Variants in GRID2 observed in about 807,000 individuals in gnomAD.
GRID2 encodes glutamate receptor ionotropic, delta-2.
A neutral mutation model predicts 114.8 loss-of-function variants in GRID2; 33 were observed. The ratio of observed to expected loss-of-function variants is 0.29; its 90% confidence interval spans 0.22 to 0.38. The LOEUF (loss-of-function observed/expected upper bound fraction) is 0.38. GRID2 is among the 10% of genes least tolerant of loss of function. The pLI, the probability that GRID2 is intolerant of heterozygous loss-of-function variation, is 1.00. For missense variants in GRID2, 1,184 were observed against 1,257.7 expected (o/e 0.94, Z 0.89); for synonymous variants, 505 against 449.9 (o/e 1.12, Z -1.55).
chr4:93,550,661 T>C (rs1047437090), intron 13 of GRID2, among the ~76,000 whole-genome samples: 3 of 152,226 alleles, frequency 2.0e-5, no homozygotes, highest in Admixed American at 2.0e-4. Flanking sequence ...TCAAGTGACA[T>C]AATTTCTCAA....
At chr4:92,972,305 A>C (rs1753573356) in intron 2 of GRID2, among the ~76,000 whole-genome samples, 1 of 151,974 alleles carries the variant, frequency 6.6e-6, no homozygotes, top group Non-Finnish European at 1.5e-5. Context: ...AGTGATGAAC[A>C]GCATTTTTCC....
chr4:92,610,379 G>A (rs1244421920), intron 2 of GRID2, among the ~76,000 whole-genome samples: 3 of 151,604 alleles, frequency 2.0e-5, no homozygotes, highest in Non-Finnish European at 3.0e-5. Context: ...CACTTTATGT[G>A]TGTGATATTG....
chr4:93,659,347 C>T (rs1029417952), intron 14 of GRID2, among the ~76,000 whole-genome samples: 3 of 152,154 alleles, frequency 2.0e-5, no homozygotes, highest in South Asian at 2.1e-4. Context: ...ATAAAGTTGT[C>T]GTCACACCTG....
chr4:93,391,504 G>A (rs1011859528), intron 8 of GRID2, among the ~76,000 whole-genome samples: 6 of 152,126 alleles, frequency 3.9e-5, no homozygotes, highest in Non-Finnish European at 7.4e-5. Flanking sequence ...AGCATTGGTC[G>A]TACAGATGGG....
chr4:92,977,727 T>A (rs537802102), intron 2 of GRID2, among the ~76,000 whole-genome samples: 4 of 152,214 alleles, frequency 2.6e-5, no homozygotes, highest in African/African-American at 9.6e-5. Context: ...AGTCAAGATA[T>A]ATGTTTGGAT....
chr4:92,861,430 G>C (rs866253046), intron 2 of GRID2, among the ~76,000 whole-genome samples: 44 of 152,080 alleles, frequency 2.9e-4, no homozygotes, highest in African/African-American at 9.9e-4. Context: ...GGGGCTATCT[G>C]AGAATTCTAT....
At chr4:93,058,546 C>A (rs1341379684) in intron 2 of GRID2, among the ~76,000 whole-genome samples, 1 of 151,760 alleles carries the variant, frequency 6.6e-6, no homozygotes, top group Non-Finnish European at 1.5e-5. Flanking sequence ...TCCTTCCACA[C>A]CATTGAAATT....
chr4:92,593,675 AT>A (rs1448098916), intron 2 of GRID2, among the ~76,000 whole-genome samples: 3 of 151,804 alleles, frequency 2.0e-5, no homozygotes, highest in Non-Finnish European at 2.9e-5. Flanking sequence ...ATAGAAAAAA[AT>A]TTCTGTTTTC....
At chr4:92,704,236 C>G (rs960111371) in intron 2 of GRID2, among the ~76,000 whole-genome samples, 6 of 152,094 alleles carry the variant, frequency 3.9e-5, no homozygotes, top group African/African-American at 1.4e-4. Flanking sequence ...CGAGATCGCG[C>G]CACTGCACTC....
intron 4 of GRID2, among the ~76,000 whole-genome samples, chr4:93,196,899 A>G (rs1262559636): frequency 6.6e-6 from 1 of 152,150 alleles, no homozygotes; most frequent in Non-Finnish European, 1.5e-5. Context: ...AACATCAGGA[A>G]TATACATGTG....
chr4:93,624,576 A>C (rs575940307), intron 13 of GRID2, among the ~76,000 whole-genome samples: 1 of 152,266 alleles, frequency 6.6e-6, no homozygotes, highest in African/African-American at 2.4e-5. Context: ...GTCTATTGAA[A>C]GATCATTTAA....
chr4:92,457,835 C>T (rs1415957241), intron 1 of GRID2, among the ~76,000 whole-genome samples: 1 of 152,098 alleles, frequency 6.6e-6, no homozygotes, highest in African/African-American at 2.4e-5. Context: ...TGTCTGTTTG[C>T]AAGGATTTGT....
intron 3 of GRID2, among the ~76,000 whole-genome samples, chr4:93,086,144 T>A (rs978770663): frequency 2.0e-5 from 3 of 152,158 alleles, no homozygotes; most frequent in African/African-American, 4.8e-5. Context: ...AGAATGCCTA[T>A]TTTGAAACAT....
chr4:93,159,019 A>G (rs977825187), intron 4 of GRID2, among the ~76,000 whole-genome samples: 1 of 151,562 alleles, frequency 6.6e-6, no homozygotes, highest in Non-Finnish European at 1.5e-5. Flanking sequence ...TGTACTATAT[A>G]ATTACTTGGC....
At chr4:92,335,658 A>G (rs1727126901) in intron 1 of GRID2, among the ~76,000 whole-genome samples, 1 of 152,228 alleles carries the variant, frequency 6.6e-6, no homozygotes, top group African/African-American at 2.4e-5. Context: ...ATACAATAAA[A>G]AGTTATTTGT....
intron 2 of GRID2, among the ~76,000 whole-genome samples, chr4:92,674,543 G>A (rs62310180): frequency 0.061 from 9,297 of 151,876 alleles, 344 homozygotes; most frequent in East Asian, 0.16. Context: ...TTTTATTTTA[G>A]ATGGAGTCTT....
intron 1 of GRID2, among the ~76,000 whole-genome samples, chr4:92,305,174 C>A (rs1725310317): frequency 6.6e-6 from 1 of 152,062 alleles, no homozygotes; most frequent in African/African-American, 2.4e-5. Flanking sequence ...AAGAACTGGG[C>A]TGGGGGGTAG....
chr4:92,997,435 T>C (rs1481181971), intron 2 of GRID2, among the ~76,000 whole-genome samples: 1 of 152,190 alleles, frequency 6.6e-6, no homozygotes, highest in African/African-American at 2.4e-5. Context: ...GAGACCCTAG[T>C]GCAGCAGTCC....
chr4:93,538,471 G>A (rs139213801), intron 13 of GRID2, among the ~76,000 whole-genome samples: 134 of 151,464 alleles, frequency 8.8e-4, no homozygotes, highest in African/African-American at 2.4e-3. Context: ...TAGATACTGC[G>A]TTCCTACAGG....
Sources: gnomAD v4.1 joint callset for allele counts (sites outside exome capture counted in the v4.1 genomes callset) on GRCh38, gnomAD v4.1.1 for gene constraint, MANE v1.5 for transcripts, NCBI Gene and HGNC (gene_info 2026-07-23, HGNC 2026-07-21) for gene names.